The following ZMAT4 variants were observed in gnomAD, a reference collection of about 807,000 sequenced individuals.
ZMAT4 encodes the protein zinc finger matrin-type protein 4.
A neutral mutation model predicts 28.7 loss-of-function variants in ZMAT4; 17 were observed. The ratio of observed to expected loss-of-function variants is 0.59; its 90% CI spans 0.41 to 0.89. ZMAT4 has a LOEUF of 0.89. ZMAT4 is among the 40% of genes least tolerant of loss of function. The pLI, the probability that ZMAT4 is intolerant of heterozygous loss-of-function variation, is 0.00. For missense variants in ZMAT4, 240 were observed against 283.8 expected (o/e 0.85, Z 1.11); for synonymous variants, 117 against 109.2 (o/e 1.07, Z -0.44).
intron 1 of ZMAT4, among the ~76,000 whole-genome samples, chr8:40,842,004 C>G (rs1029536143): frequency 6.6e-6 from 1 of 152,232 alleles, no homozygotes; most frequent in South Asian, 2.1e-4. Flanking sequence ...AGGAGCTCCA[C>G]TTTCTGATTA....
chr8:40,580,203 G>A (rs112607607), intron 6 of ZMAT4, among the ~76,000 whole-genome samples: 7 of 151,650 alleles, frequency 4.6e-5, no homozygotes, highest in Non-Finnish European at 7.4e-5. Context: ...TAGTAGAGAC[G>A]GGGTTTCACC....
intron 5 of ZMAT4, among the ~76,000 whole-genome samples, chr8:40,599,725 G>C (rs1166273517): frequency 6.6e-6 from 1 of 152,248 alleles, no homozygotes; most frequent in Admixed American, 6.5e-5. Context: ...GCAGGTGGGA[G>C]AGTGGGCTGA....
At chr8:40,676,565 G>A (rs1056647458) in intron 4 of ZMAT4, among the ~76,000 whole-genome samples, 1 of 151,960 alleles carries the variant, frequency 6.6e-6, no homozygotes, top group Admixed American at 6.6e-5. Context: ...AAGCTTTCAG[G>A]TAACTTTTAG....
chr8:40,686,395 T>G (rs1809408884), intron 4 of ZMAT4, among the ~76,000 whole-genome samples: 1 of 151,986 alleles, frequency 6.6e-6, no homozygotes, highest in Non-Finnish European at 1.5e-5. Context: ...AGCCCAGGAA[T>G]TCAAAGCTTG....
chr8:40,893,696 A>C (rs775477964), intron 1 of ZMAT4, among the ~76,000 whole-genome samples: 3 of 152,144 alleles, frequency 2.0e-5, no homozygotes, highest in Non-Finnish European at 4.4e-5. Flanking sequence ...CCGGGGGTAC[A>C]TGTGCAGGTT....
intron 1 of ZMAT4, among the ~76,000 whole-genome samples, chr8:40,854,315 GC>G (rs771659834): frequency 2.6e-5 from 4 of 152,178 alleles, no homozygotes; most frequent in Non-Finnish European, 5.9e-5. Context: ...CATGTATTGA[GC>G]ACTGACTTTA....
chr8:40,786,667 G>A lies in ZMAT4; in HGVS notation c.103-18937C>T, dbSNP rs757694211. 19 of 1,284,734 alleles carry A rather than the reference G, an allele frequency of 1.5e-5. No homozygotes were observed. In the East Asian group the frequency reaches 1.0e-3, roughly 68 times the overall value. The allele number at this position is 1,284,734 out of a possible 1,614,324, so 79.6% of individuals were successfully genotyped here. On this transcript the variant is annotated intron_variant, in intron 2 of 6. Coordinates refer to ENST00000297737, the MANE Select transcript of ZMAT4 (RefSeq NM_024645.3). ...TCCATTCATTAACCATCCTCATTCA[G>A]TCCTTGTGCCTCCCAACTTACGGGT...
At chr8:40,715,047 C>CAAAAAAAAAAAAAAAA (rs10690797) in intron 3 of ZMAT4, among the ~76,000 whole-genome samples, 1 of 73,362 alleles carries the variant, frequency 1.4e-5, no homozygotes, top group African/African-American at 6.1e-5. Context: ...GACTCTGTCT[C>CAAAAAAAAAAAAAAAA]AAAAAAAAAA....
intron 3 of ZMAT4, among the ~76,000 whole-genome samples, chr8:40,708,399 T>C (rs1347899161): frequency 2.6e-5 from 4 of 152,102 alleles, no homozygotes; most frequent in Non-Finnish European, 5.9e-5. Flanking sequence ...GACCACAGCT[T>C]CATACTGAGG....
At chr8:40,776,830 A>C (rs1813614816) in intron 2 of ZMAT4, among the ~76,000 whole-genome samples, 1 of 150,480 alleles carries the variant, frequency 6.6e-6, no homozygotes, top group African/African-American at 2.4e-5. Context: ...TTCTTCTATA[A>C]AATTTGTGGC....
chr8:40,666,657 T>C (rs1377902078), intron 5 of ZMAT4, among the ~76,000 whole-genome samples: 1 of 152,152 alleles, frequency 6.6e-6, no homozygotes, highest in Non-Finnish European at 1.5e-5. Flanking sequence ...ATTTTCTATA[T>C]ATCAGCAACA....
intron 4 of ZMAT4, among the ~76,000 whole-genome samples, chr8:40,691,324 G>T (rs1809652414): frequency 6.6e-6 from 1 of 151,614 alleles, no homozygotes; most frequent in African/African-American, 2.4e-5. Flanking sequence ...CTTCAGCACT[G>T]CTCTTGGGGG....
At chr8:40,656,220 G>A (rs1807917445) in intron 5 of ZMAT4, among the ~76,000 whole-genome samples, 1 of 151,946 alleles carries the variant, frequency 6.6e-6, no homozygotes, top group African/African-American at 2.4e-5. Flanking sequence ...TAGCCATCAG[G>A]AAAAAAGTAA....
chr8:40,596,937 A>G (rs542159047), intron 5 of ZMAT4, among the ~76,000 whole-genome samples: 1 of 152,202 alleles, frequency 6.6e-6, no homozygotes, highest in African/African-American at 2.4e-5. Flanking sequence ...TTTGAATCTC[A>G]ACTCCGGCTC....
At position 40,833,237 on chromosome 8, in the gene ZMAT4, AG is replaced by A. The variant is rs1486972354; in HGVS notation, c.-4-7558del. The stretch of plus-strand genomic sequence containing the variant: ...TGCCGTGGCAGCAAAGCAGATTTAG[AG>A]GGGAAAAAAAAACAGAAACAAGAAA... On this transcript the variant is annotated intron_variant, in intron 1 of 6. Coordinates refer to ENST00000297737, the MANE Select transcript of ZMAT4 (RefSeq NM_024645.3). 3.4e-3 allele frequency among the ~76,000 whole-genome samples: 4 copies of A among 1,166 alleles called. No individual in the cohort carries two copies. In the East Asian group the frequency reaches 0.17, roughly 49 times the overall value. 0.8% of individuals were successfully genotyped at this position (1,166 alleles called of 152,430 possible). A position where few individuals can be genotyped will look rare whatever the true frequency, so the allele number is the denominator to read the frequency against.
intron 5 of ZMAT4, among the ~76,000 whole-genome samples, chr8:40,636,379 G>A (rs901343863): frequency 2.0e-5 from 3 of 152,184 alleles, no homozygotes; most frequent in Non-Finnish European, 4.4e-5. Flanking sequence ...GAGCCAAAGA[G>A]TTGCCTCAAG....
At chr8:40,689,959 G>A (rs1015458536) in intron 4 of ZMAT4, among the ~76,000 whole-genome samples, 2 of 152,048 alleles carry the variant, frequency 1.3e-5, no homozygotes, top group African/African-American at 4.8e-5. Context: ...GAAAAGGATT[G>A]TGAAAATCAC....
intron 5 of ZMAT4, among the ~76,000 whole-genome samples, chr8:40,649,103 T>G (rs892408854): frequency 1.4e-4 from 19 of 138,018 alleles, no homozygotes; most frequent in African/African-American, 4.8e-4. Context: ...ATGGACTAAA[T>G]GCTCCAATTA....
At chr8:40,805,878 A>T (rs1296068623) in intron 2 of ZMAT4, among the ~76,000 whole-genome samples, 1 of 152,008 alleles carries the variant, frequency 6.6e-6, no homozygotes, top group Non-Finnish European at 1.5e-5. Flanking sequence ...AGCATGGCAC[A>T]TGTATACACA....
Sources: allele counts gnomAD v4.1 joint callset (sites outside exome capture counted in the v4.1 genomes callset), GRCh38; gene constraint gnomAD v4.1.1; transcripts MANE v1.5; gene names NCBI Gene and HGNC (gene_info 2026-07-23, HGNC 2026-07-21).